The following ZSCAN25 variants were observed in gnomAD, a reference collection of about 807,000 sequenced individuals.
ZSCAN25 encodes zinc finger and SCAN domain containing 25.
Under a neutral mutation model 38.7 loss-of-function variants are expected in ZSCAN25, and 27 were observed. That is an observed-to-expected ratio of 0.70 (90% confidence interval 0.51 to 0.96). ZSCAN25 has a LOEUF of 0.96. ZSCAN25 is among the 40% of genes least tolerant of loss of function. ZSCAN25 has a pLI of 0.00. For missense variants in ZSCAN25, 637 were observed against 705.9 expected (o/e 0.90, Z 1.11); for synonymous variants, 273 against 277.7 (o/e 0.98, Z 0.17).
At chr7:99,676,486 T>C in the ZSCAN25 span, 13 of 1,401,882 alleles carry the variant, frequency 9.3e-6, no homozygotes, top group Non-Finnish European at 1.1e-5. Context: ...CAAATGCTCC[T>C]GAGAGGTTCA....
In ZSCAN25 at chr7:99,624,059, G is replaced by A; in HGVS notation, c.684G>A (p.Gly228=). The change falls in exon 7 of 8, where the codon GGG becomes GGA. Residue 228 remains glycine, a splice_region_variant and synonymous_variant. Coordinates refer to ENST00000394152, the MANE Select transcript of ZSCAN25 (RefSeq NM_145115.3). ...AAGFFTAGSQ[G]LGPFKDMALA... ...ATAGCAATCTCCTATTGTTGCAGGG[G>A]TTGGGGCCATTTAAAGATATGGCCC... 1 of 1,614,190 alleles carries A rather than the reference G, an allele frequency of 6.2e-7. No individual in the cohort carries two copies. Among genetic ancestry groups the A allele is most frequent in the Non-Finnish European group, 8.5e-7 (1 of 1,180,048 alleles).
the ZSCAN25 span, chr7:99,665,374 C>T: frequency 1.3e-6 from 2 of 1,599,268 alleles, no homozygotes; most frequent in South Asian, 2.2e-5. Flanking sequence ...TTCCACTATA[C>T]ATGCAGCAAG....
chr7:99,666,686 A>T, the ZSCAN25 span: 1 of 1,614,072 alleles, frequency 6.2e-7, no homozygotes, highest in Admixed American at 1.7e-5. Flanking sequence ...ATGATGGGGA[A>T]CATCTAAGCA....
At chr7:99,641,634 T>C in the ZSCAN25 span, among the ~76,000 whole-genome samples, 3 of 152,114 alleles carry the variant, frequency 2.0e-5, no homozygotes, top group Admixed American at 6.5e-5. Context: ...TTCATTCTCC[T>C]CCCACCATCC....
chr7:99,646,730 A>G, the ZSCAN25 span, among the ~76,000 whole-genome samples: 1 of 151,936 alleles, frequency 6.6e-6, no homozygotes, highest in South Asian at 2.1e-4. Flanking sequence ...GGCACTAAGT[A>G]TACTCATTGC....
the ZSCAN25 span, among the ~76,000 whole-genome samples, chr7:99,662,134 T>C: frequency 2.0e-5 from 3 of 152,250 alleles, no homozygotes; most frequent in Admixed American, 6.5e-5. This position sits in a 1 kb window ranked among gnomAD's most constrained non-coding sequence, Gnocchi z 4.3. Flanking sequence ...TTTAAAGTGG[T>C]ATACTGGAGT....
At chr7:99,735,383 ACAC>A in the ZSCAN25 span, among the ~76,000 whole-genome samples, 2 of 152,168 alleles carry the variant, frequency 1.3e-5, no homozygotes, top group Non-Finnish European at 2.9e-5. Flanking sequence ...GTAGAATCAT[ACAC>A]AACTCAATCA....
At chr7:99,621,155 G>C (rs1479733668) in intron 4 of ZSCAN25, 3 of 377,462 alleles carry the variant, frequency 7.9e-6, no homozygotes, top group Non-Finnish European at 1.4e-5. Context: ...GTCAAATGGC[G>C]TGGACAGATA....
the ZSCAN25 span, among the ~76,000 whole-genome samples, chr7:99,728,524 C>T: frequency 6.6e-6 from 1 of 152,054 alleles, no homozygotes; most frequent in South Asian, 2.1e-4. Context: ...TTTGGCACTC[C>T]CTCTCATCTT....
chr7:99,734,358 GAGA>G, the ZSCAN25 span, among the ~76,000 whole-genome samples: 1 of 152,148 alleles, frequency 6.6e-6, no homozygotes, highest in East Asian at 1.9e-4. Context: ...TCTCACTGGT[GAGA>G]AGATTCACCC....
At chr7:99,628,130 G>A (rs1030304018) in intron 7 of ZSCAN25, among the ~76,000 whole-genome samples, 1 of 151,986 alleles carries the variant, frequency 6.6e-6, no homozygotes, top group Non-Finnish European at 1.5e-5. Flanking sequence ...TTTAGCCAGC[G>A]CTGGATCCAA....
chr7:99,620,175 G>A (rs1268765408), intron 4 of ZSCAN25, 182 bp downstream of exon 4: 8 of 850,966 alleles, frequency 9.4e-6, no homozygotes, highest in Non-Finnish European at 1.4e-5. Flanking sequence ...CCATTCCCAG[G>A]GGAGATGCTG....
intron 1 of ZSCAN25, 130 bp from the exon 2 acceptor site, chr7:99,618,395 T>C (rs1806654777): frequency 1.3e-5 from 2 of 152,228 alleles, no homozygotes; most frequent in Admixed American, 1.3e-4. Context: ...GCACTCATCC[T>C]ACAGAAGTGT....
At chr7:99,672,759 G>T in the ZSCAN25 span, 2 of 1,602,416 alleles carry the variant, frequency 1.2e-6, no homozygotes, top group South Asian at 2.2e-5. Flanking sequence ...GCCAGACTTT[G>T]ATCATTATGT....
chr7:99,631,516 C>A lies in ZSCAN25; in HGVS notation c.*1496C>A. ...TGTGTCATTGTGCTGTGCCTTTGAACCCTGGCTGAGTGAGTGAGTTTGTCC... is the reference window on the plus strand; with the variant it reads ...TGTGTCATTGTGCTGTGCCTTTGAAACCTGGCTGAGTGAGTGAGTTTGTCC... On this transcript the variant is annotated 3_prime_UTR_variant, in exon 8 of 8. Coordinates refer to ENST00000394152, the MANE Select transcript of ZSCAN25 (RefSeq NM_145115.3). 1 of 985,532 alleles carries A rather than the reference C, an allele frequency of 1.0e-6. No homozygotes were observed. Among genetic ancestry groups the A allele is most frequent in the Non-Finnish European group, 1.2e-6 (1 of 829,946 alleles). The allele number at this position is 985,532 out of a possible 1,614,324, so 61.0% of individuals were successfully genotyped here. A position where few individuals can be genotyped will look rare whatever the true frequency, so the allele number is the denominator to read the frequency against.
the ZSCAN25 span, among the ~76,000 whole-genome samples, chr7:99,664,384 C>T: frequency 6.6e-6 from 1 of 152,194 alleles, no homozygotes; most frequent in Non-Finnish European, 1.5e-5. Flanking sequence ...ATCTATTGGA[C>T]TAGAGTTTTT....
chr7:99,694,965 A>C, the ZSCAN25 span, among the ~76,000 whole-genome samples: 7 of 147,492 alleles, frequency 4.7e-5, 1 homozygote, highest in South Asian at 1.5e-3. Flanking sequence ...GTGATTTTGC[A>C]TATGATTCTG....
At chr7:99,635,795 C>G (rs1377409373), downstream of ZSCAN25, among the ~76,000 whole-genome samples, 1 of 152,172 alleles carries the variant, frequency 6.6e-6, no homozygotes, top group East Asian at 1.9e-4. Context: ...TGCCTGTAAT[C>G]CCAGCACTTT....
intron 1 of ZSCAN25, among the ~76,000 whole-genome samples, chr7:99,617,876 C>T (rs1806605996): frequency 6.6e-6 from 1 of 152,172 alleles, no homozygotes; most frequent in South Asian, 2.1e-4. Flanking sequence ...TAGAGGGAGA[C>T]ACATGGGTAA....
Sources: allele counts gnomAD v4.1 joint callset (sites outside exome capture counted in the v4.1 genomes callset), GRCh38; gene constraint gnomAD v4.1.1; non-coding constraint Gnocchi (gnomAD v3.1); transcripts MANE v1.5; gene names NCBI Gene and HGNC (gene_info 2026-07-23, HGNC 2026-07-21).